The following CR1 variants were observed in gnomAD, a reference collection of about 807,000 sequenced individuals.
CR1 encodes the protein complement C3b/C4b receptor 1 (Knops blood group), also known as complement receptor type 1.
CR1 carries 116 observed loss-of-function variants against 187.3 expected under a neutral mutation model. The ratio of observed to expected loss-of-function variants is 0.62; its 90% CI spans 0.53 to 0.72. The LOEUF is 0.72. Ranked by LOEUF, CR1 falls within the 30% of genes least tolerant of loss-of-function variation. CR1 has a pLI of 0.00. For missense variants in CR1, 1,731 were observed against 2,110.7 expected (o/e 0.82, Z 3.52); for synonymous variants, 576 against 747.1 (o/e 0.77, Z 3.73).
At chr1:207,525,190 C>T (rs1660131346) in intron 5 of CR1, among the ~76,000 whole-genome samples, 1 of 151,940 alleles carries the variant, frequency 6.6e-6, no homozygotes, top group Non-Finnish European at 1.5e-5. Flanking sequence ...CCAGTCACTT[C>T]CCACCAGGCT....
chr1:207,619,382 AAAAAAAAAAAAAG>A (rs910318455), intron 42 of CR1, among the ~76,000 whole-genome samples: 2 of 151,520 alleles, frequency 1.3e-5, no homozygotes, highest in African/African-American at 2.4e-5. Context: ...GACTCAAAAA[AAAAAAAAAAAAAG>A]AAAAAGAAAA....
intron 35 of CR1, among the ~76,000 whole-genome samples, chr1:207,604,841 TGGTTACCAGGC>T (rs1661700575): frequency 6.6e-6 from 1 of 151,942 alleles, no homozygotes; most frequent in South Asian, 2.1e-4. Context: ...AGTAGAAAGG[TGGTTACCAGGC>T]ACTGAGAGGT....
intron 4 of CR1, among the ~76,000 whole-genome samples, chr1:207,522,177 C>T (rs894053153): frequency 2.0e-5 from 3 of 152,166 alleles, no homozygotes; most frequent in Non-Finnish European, 2.9e-5. Context: ...AACCCATCTT[C>T]TTCCAGATGG....
chr1:207,613,909 T>C (rs1662017596), intron 39 of CR1, among the ~76,000 whole-genome samples: 1 of 152,140 alleles, frequency 6.6e-6, no homozygotes, highest in Admixed American at 6.5e-5. Flanking sequence ...CTCTGGCCTG[T>C]TACAGTTGTA....
chr1:207,511,420 G>A (rs1300759365), intron 3 of CR1, 149 bp from the exon 4 acceptor site: 1 of 590,160 alleles, frequency 1.7e-6, no homozygotes, highest in Non-Finnish European at 2.7e-6. Flanking sequence ...CAAGAAGAAT[G>A]TGAAACTTGG....
intron 4 of CR1, among the ~76,000 whole-genome samples, chr1:207,521,012 T>C (rs11117991): frequency 0.16 from 21,227 of 134,932 alleles, 2,206 homozygotes; most frequent in South Asian, 0.38. Flanking sequence ...TTCACTCTTA[T>C]CACCTGGGCT....
At chr1:207,508,831 CTG>C (rs932080777) in intron 3 of CR1, among the ~76,000 whole-genome samples, 1 of 151,976 alleles carries the variant, frequency 6.6e-6, no homozygotes, top group African/African-American at 2.4e-5. Flanking sequence ...ATGTAGCAAT[CTG>C]TAACCAATCA....
chr1:207,574,132 A>C (rs1330315232), intron 27 of CR1, among the ~76,000 whole-genome samples: 3 of 152,164 alleles, frequency 2.0e-5, no homozygotes, highest in Non-Finnish European at 4.4e-5. Flanking sequence ...ACCCTGTCTC[A>C]AAAAAGGAAA....
In CR1 at chr1:207,567,939, A is replaced by T. The variant is rs1262040038; in HGVS notation, c.4068A>T (p.Arg1356Ser). ...VNYTCDPHPDRGTSFDLIGES... is the reference protein window; with the variant it reads ...VNYTCDPHPDSGTSFDLIGES... Reference sequence around the variant, plus strand: ...ACACATGCGACCCCCACCCAGACAGAGGGACGAGCTTCGACCTCATTGGAG... The same window carrying T: ...ACACATGCGACCCCCACCCAGACAGTGGGACGAGCTTCGACCTCATTGGAG... Residue 1356 changes from arginine (R) to serine (S), a missense_variant, in exon 25 of 47, where the codon AGA becomes AGT. Transcript: ENST00000367049. 1.2e-6 allele frequency: 2 copies of T among 1,610,348 alleles called. No individual in the cohort carries two copies. Among genetic ancestry groups the T allele is most frequent in the Non-Finnish European group, 1.7e-6 (2 of 1,179,612 alleles).
chr1:207,573,146 A>G (rs1175128898), intron 27 of CR1, among the ~76,000 whole-genome samples: 1 of 152,118 alleles, frequency 6.6e-6, no homozygotes, highest in Admixed American at 6.5e-5. Flanking sequence ...TCAGGTGCTC[A>G]CAGCACACGG....
intron 23 of CR1, among the ~76,000 whole-genome samples, chr1:207,564,527 CG>C (rs1660428728): frequency 6.7e-6 from 1 of 150,176 alleles, no homozygotes; most frequent in African/African-American, 2.5e-5. Flanking sequence ...CAGCCAGGCA[CG>C]GTGGCTCACG....
intron 35 of CR1, among the ~76,000 whole-genome samples, chr1:207,592,825 A>G (rs1039610624): frequency 1.3e-5 from 2 of 152,216 alleles, no homozygotes; most frequent in Non-Finnish European, 2.9e-5. Flanking sequence ...CCAAATCATG[A>G]GTGAACTCCC....
intron 1 of CR1, among the ~76,000 whole-genome samples, chr1:207,499,809 C>G (rs930375410): frequency 3.9e-5 from 6 of 152,186 alleles, no homozygotes; most frequent in Admixed American, 1.3e-4. Flanking sequence ...TTTACATATG[C>G]TCAGATGAGT....
chr1:207,497,708 A>ACTGGC (rs1278061159), intron 1 of CR1, among the ~76,000 whole-genome samples: 1 of 152,196 alleles, frequency 6.6e-6, no homozygotes, highest in East Asian at 1.9e-4. Context: ...CTTTGGGAGT[A>ACTGGC]CTGGCCCTCT....
At chr1:207,586,033 A>G (rs1439878943) in intron 33 of CR1, among the ~76,000 whole-genome samples, 1 of 152,226 alleles carries the variant, frequency 6.6e-6, no homozygotes, top group Non-Finnish European at 1.5e-5. Flanking sequence ...AATATGCAGC[A>G]CACAATATAC....
intron 35 of CR1, among the ~76,000 whole-genome samples, chr1:207,594,212 A>C (rs1233315954): frequency 6.6e-6 from 1 of 152,226 alleles, no homozygotes; most frequent in Admixed American, 6.5e-5. Flanking sequence ...CCAAATGCCC[A>C]TCAATGATAG....
chr1:207,587,529 A>T lies in CR1; in HGVS notation c.5674A>T (p.Asn1892Tyr), dbSNP rs780119469. 1 of 1,613,946 alleles carries T rather than the reference A, an allele frequency of 6.2e-7. No individual in the cohort carries two copies. The highest frequency in any genetic ancestry group is 1.1e-5 in the South Asian group (1 of 91,074). Residue 1892 changes from asparagine (N) to tyrosine (Y), a missense_variant, in exon 34 of 47, where the codon AAC becomes TAC. By Grantham distance (143) the Asn-to-Tyr change is moderately radical (BLOSUM62 -2). Around this residue, in one of 5 missense-constraint regions of CR1, gnomAD observed 1,312 missense variants for 1,379.6 expected, o/e 0.95. Coordinates refer to ENST00000367049, the MANE Select transcript of CR1 (RefSeq NM_000651.6). ...GKMFSISCLENLVWSSVEDNC... is the reference protein window; with the variant it reads ...GKMFSISCLEYLVWSSVEDNC... ...AATGTTCTCTATCTCCTGCCTAGAA[A>T]ACTTGGTCTGGTCAAGTGTTGAAGA...
intron 35 of CR1, among the ~76,000 whole-genome samples, chr1:207,603,725 T>C (rs1318170138): frequency 6.6e-6 from 1 of 152,184 alleles, no homozygotes; most frequent in Admixed American, 6.5e-5. Flanking sequence ...CCATTTTTAG[T>C]GGTTGCATTT....
At chr1:207,623,144 C>A in intron 45 of CR1, 76 bp downstream of exon 45, 1 of 1,013,412 alleles carries the variant, frequency 9.9e-7, no homozygotes, top group South Asian at 1.5e-5. Context: ...AAGTAAAAGA[C>A]AAACAAACCC....
Sources: allele counts gnomAD v4.1 joint callset (sites outside exome capture counted in the v4.1 genomes callset), GRCh38; gene constraint gnomAD v4.1.1; regional missense constraint gnomAD v4.1.1; transcripts MANE v1.5; gene names NCBI Gene and HGNC (gene_info 2026-07-23, HGNC 2026-07-21).